ANKS1B: variants seen among roughly 807,000 people sequenced by gnomAD.
ANKS1B encodes the protein ankyrin repeat and sterile alpha motif domain-containing protein 1B.
ANKS1B carries 36 observed loss-of-function variants against 148.3 expected under a neutral mutation model. That is an observed-to-expected ratio of 0.24 (90% confidence interval 0.19 to 0.32). ANKS1B has a LOEUF of 0.32. ANKS1B is among the 10% of genes least tolerant of loss of function. ANKS1B has a pLI of 1.00. For synonymous variants in ANKS1B, 542 were observed against 560.8 expected (o/e 0.97, Z 0.47); for missense variants, 1,157 against 1,542.6 (o/e 0.75, Z 4.19).
At chr12:99,521,679 C>T (rs2096876226) in intron 9 of ANKS1B, among the ~76,000 whole-genome samples, 2 of 152,152 alleles carry the variant, frequency 1.3e-5, no homozygotes, top group Admixed American at 1.3e-4. Flanking sequence ...CTCTTGTTCT[C>T]TTTCCTTACT....
chr12:98,886,964 A>G (rs1019789594), intron 17 of ANKS1B, among the ~76,000 whole-genome samples: 2 of 152,220 alleles, frequency 1.3e-5, no homozygotes, highest in Non-Finnish European at 2.9e-5. Flanking sequence ...AGAAACAAAA[A>G]GCAGTTGGCA....
At chr12:98,878,092 G>T (rs750421835) in intron 17 of ANKS1B, among the ~76,000 whole-genome samples, 5 of 151,802 alleles carry the variant, frequency 3.3e-5, no homozygotes, top group Non-Finnish European at 7.4e-5. Context: ...AATCTGAAAG[G>T]ATACATACTA....
chr12:99,648,050 G>A, intron 9 of ANKS1B: 2 of 1,362,800 alleles, frequency 1.5e-6, no homozygotes, highest in South Asian at 1.5e-5. Context: ...GGACAAAAAA[G>A]AAAGCCTGCA....
intron 13 of ANKS1B, among the ~76,000 whole-genome samples, 167 bp from the exon 14 acceptor site, chr12:99,244,581 G>A (rs909151848): frequency 4.6e-5 from 7 of 152,146 alleles, no homozygotes; most frequent in African/African-American, 7.2e-5. Context: ...AACATCTTTC[G>A]GATTGTTTTA....
chr12:99,130,984 C>T (rs893261791), intron 15 of ANKS1B, among the ~76,000 whole-genome samples: 1 of 152,174 alleles, frequency 6.6e-6, no homozygotes, highest in Admixed American at 6.5e-5. Context: ...CAGAGTTAAA[C>T]AAGACTTCTA....
chr12:99,565,232 G>C (rs961243096), intron 9 of ANKS1B, among the ~76,000 whole-genome samples: 2 of 152,200 alleles, frequency 1.3e-5, no homozygotes, highest in African/African-American at 4.8e-5. Context: ...AGAGGACATA[G>C]TGGTAAATAA....
chr12:99,874,278 G>A (rs567936015), intron 1 of ANKS1B, among the ~76,000 whole-genome samples: 2 of 151,804 alleles, frequency 1.3e-5, no homozygotes, highest in South Asian at 2.1e-4. Context: ...TTATTTTACC[G>A]CAACCAAAGA....
intron 8 of ANKS1B, among the ~76,000 whole-genome samples, chr12:99,723,972 T>G (rs2058364479): frequency 7.1e-6 from 1 of 141,068 alleles, no homozygotes; most frequent in African/African-American, 2.7e-5. Flanking sequence ...GCAAAAAGTG[T>G]CTCCCCAAAA....
At chr12:98,899,071 G>A (rs756857625) in intron 17 of ANKS1B, among the ~76,000 whole-genome samples, 9 of 152,164 alleles carry the variant, frequency 5.9e-5, no homozygotes, top group Non-Finnish European at 1.2e-4. Flanking sequence ...AGATATGTAA[G>A]GCCCTTTGTA....
chr12:99,819,154 C>T (rs988229601), intron 2 of ANKS1B, among the ~76,000 whole-genome samples: 8 of 151,872 alleles, frequency 5.3e-5, no homozygotes, highest in Non-Finnish European at 1.2e-4. Context: ...GACACTTTTA[C>T]TTCTCTTTAA....
Position 99,251,238 on chromosome 12 carries a change from AAT to A in ANKS1B, c.1757-4376_1757-4375del, listed in dbSNP as rs571610185. ...AATATATGCTGCATAGAACACTAAG[AAT>A]ATGTTTCTACTATTATAACAATAAT... On this transcript the variant is annotated intron_variant, in intron 12 of 26. Transcript: ENST00000683438. Among the ~76,000 whole-genome samples the A allele has an allele frequency of 3.1e-3, 469 of 152,324 alleles. 3 individuals carry two copies. The highest frequency in any genetic ancestry group is 0.011 in the African/African-American group (448 of 41,566).
intron 15 of ANKS1B, among the ~76,000 whole-genome samples, chr12:99,099,247 G>A (rs1056044302): frequency 6.6e-6 from 1 of 152,218 alleles, no homozygotes; most frequent in Non-Finnish European, 1.5e-5. Context: ...AATCAAATGG[G>A]TGACCAGCCA....
Position 99,655,140 on chromosome 12 carries a change from C to A in ANKS1B, c.1199G>T (p.Gly400Val), listed in dbSNP as rs2098443931. The A allele has an allele frequency of 6.2e-7, 1 of 1,612,574 alleles. No individual in the cohort carries two copies. The highest frequency in any genetic ancestry group is 1.1e-5 in the South Asian group (1 of 90,890). Residue 400 changes from glycine (G) to valine (V), a missense_variant, in exon 9 of 27, where the codon GGG becomes GTG. Gly to Val is a moderately radical substitution (Grantham distance 109). Coordinates refer to ENST00000683438, the MANE Select transcript of ANKS1B (RefSeq NM_001352186.2). ...TAATGCTTCCCAAAGTCCTGATGGC[C>A]CACACGTATTTTCATCATCATCCTC... ...EEEDDDENTC[G>V]PSGLWEALTP...
chr12:99,813,604 G>A (rs2068711085), intron 2 of ANKS1B, among the ~76,000 whole-genome samples: 1 of 151,172 alleles, frequency 6.6e-6, no homozygotes. Flanking sequence ...ACAAAATTAT[G>A]GTAAATGGTA....
chr12:99,257,661 G>C (rs1015911830), intron 12 of ANKS1B, among the ~76,000 whole-genome samples: 2 of 152,026 alleles, frequency 1.3e-5, no homozygotes, highest in African/African-American at 2.4e-5. Flanking sequence ...AAATATGTCT[G>C]TGTTATTTTT....
chr12:99,183,457 C>T (rs904641910), intron 14 of ANKS1B, among the ~76,000 whole-genome samples: 1 of 152,160 alleles, frequency 6.6e-6, no homozygotes, highest in East Asian at 1.9e-4. Flanking sequence ...GCCTGGCCAA[C>T]ATGGTGAAAC....
intron 14 of ANKS1B, among the ~76,000 whole-genome samples, chr12:99,204,838 T>C (rs1601660393): frequency 6.6e-6 from 1 of 152,206 alleles, no homozygotes; most frequent in South Asian, 2.1e-4. Context: ...TTATTTTTCT[T>C]TGGATACAAG....
chr12:99,446,754 C>T (rs1051300293), intron 10 of ANKS1B, among the ~76,000 whole-genome samples: 5 of 151,958 alleles, frequency 3.3e-5, no homozygotes, highest in African/African-American at 7.2e-5. Context: ...AAAAAGTAGA[C>T]ATAGACACTA....
chr12:99,376,564 G>T (rs1366623674), intron 12 of ANKS1B, among the ~76,000 whole-genome samples: 2 of 152,132 alleles, frequency 1.3e-5, no homozygotes, highest in Non-Finnish European at 2.9e-5. Flanking sequence ...CAGTAACAGG[G>T]TCTCTTAAAA....
Sources: gnomAD v4.1 joint callset for allele counts (sites outside exome capture counted in the v4.1 genomes callset) on GRCh38, gnomAD v4.1.1 for gene constraint, MANE v1.5 for transcripts, NCBI Gene and HGNC (gene_info 2026-07-23, HGNC 2026-07-21) for gene names.